The following MEIKIN variants were observed in gnomAD, a reference collection of about 807,000 sequenced individuals.
MEIKIN encodes meiosis-specific kinetochore protein.
chr5:131,882,164 C>G (rs1750711402), intron 8 of MEIKIN, among the ~76,000 whole-genome samples: 1 of 152,182 alleles, frequency 6.6e-6, no homozygotes, highest in Non-Finnish European at 1.5e-5. Context: ...CTGCTACCAT[C>G]ATGGTTTAAA....
chr5:131,837,920 A>G (rs1379715201), intron 11 of MEIKIN, among the ~76,000 whole-genome samples: 2 of 152,082 alleles, frequency 1.3e-5, no homozygotes, highest in Non-Finnish European at 2.9e-5. Context: ...GAGAGAGGGC[A>G]TTCTTGGCTT....
chr5:131,876,194 C>G (rs1316223632), intron 9 of MEIKIN, among the ~76,000 whole-genome samples: 4 of 152,130 alleles, frequency 2.6e-5, no homozygotes, highest in African/African-American at 9.7e-5. Context: ...AAACTACCAT[C>G]AGAGTGACCA....
intron 11 of MEIKIN, among the ~76,000 whole-genome samples, chr5:131,835,595 CT>C (rs530602371): frequency 6.6e-6 from 1 of 151,446 alleles, no homozygotes; most frequent in South Asian, 2.1e-4. Flanking sequence ...ATATATCTGT[CT>C]TTTTTTTTGT....
Position 131,851,348 on chromosome 5 carries a change from T to C in MEIKIN, c.891A>G (p.Glu297=). 1 of 398,206 alleles carries C rather than the reference T, an allele frequency of 2.5e-6. No homozygotes were observed. Among genetic ancestry groups the C allele is most frequent in the East Asian group, 3.6e-5 (1 of 27,912 alleles). The allele number at this position is 398,206 out of a possible 1,614,324, so 24.7% of individuals were successfully genotyped here. The change falls in exon 11 of 13, where the codon GAA becomes GAG. Residue 297 remains glutamate, a synonymous_variant. Transcript: ENST00000442687. ...DLSSVQKASF[E]ELFPNVSNYV... ...AATTGCTGACATTTGGAAATAGTTC[T>C]TCAAAAGATGCTTTTTGCACTGAGG...
intron 4 of MEIKIN, among the ~76,000 whole-genome samples, chr5:131,940,772 G>A (rs1448396195): frequency 1.3e-5 from 2 of 152,188 alleles, no homozygotes; most frequent in East Asian, 3.8e-4. Context: ...TGTCCGGCCA[G>A]TGTCCACACT....
intron 11 of MEIKIN, among the ~76,000 whole-genome samples, chr5:131,833,729 C>G (rs1431242046): frequency 6.6e-6 from 1 of 152,158 alleles, no homozygotes; most frequent in Non-Finnish European, 1.5e-5. Context: ...ATTCAATTAC[C>G]TCCCAATGGG....
At chr5:131,851,798 T>C (rs1750119679) in intron 10 of MEIKIN, among the ~76,000 whole-genome samples, 1 of 152,190 alleles carries the variant, frequency 6.6e-6, no homozygotes, top group Non-Finnish European at 1.5e-5. Flanking sequence ...GACTGATTGA[T>C]TTAGAGATGA....
chr5:131,874,689 CA>C (rs977961310), intron 9 of MEIKIN, among the ~76,000 whole-genome samples: 3 of 151,866 alleles, frequency 2.0e-5, no homozygotes, highest in Non-Finnish European at 4.4e-5. Flanking sequence ...AGAGACACAA[CA>C]AAAAAAGGGA....
intron 8 of MEIKIN, among the ~76,000 whole-genome samples, chr5:131,895,207 T>C (rs1246906650): frequency 6.6e-6 from 1 of 152,218 alleles, no homozygotes; most frequent in Non-Finnish European, 1.5e-5. Flanking sequence ...TTTGCATTTG[T>C]TGAACCAGCC....
chr5:131,906,975 C>T (rs1403027785), intron 8 of MEIKIN, among the ~76,000 whole-genome samples: 2 of 152,002 alleles, frequency 1.3e-5, no homozygotes, highest in African/African-American at 2.4e-5. Context: ...CACAATTTAT[C>T]TACATAACAA....
rs533100252 is a variant in MEIKIN, at chr5:131,888,449, T to G, written c.704-9401A>C. Reference sequence around the variant, plus strand: ...TCATTGTGGTTTCGATTTGCATTTCTCTGATGGCCAGTGATGATGAGCATT... The same window carrying G: ...TCATTGTGGTTTCGATTTGCATTTCGCTGATGGCCAGTGATGATGAGCATT... On this transcript the variant is annotated intron_variant, in intron 8 of 12. Transcript: ENST00000442687. Among the ~76,000 whole-genome samples, 220 of 152,360 alleles carry G rather than the reference T, an allele frequency of 1.4e-3. 1 individual carries two copies. The highest frequency in any genetic ancestry group is 0.014 in the Middle Eastern group (4 of 294).
intron 11 of MEIKIN, among the ~76,000 whole-genome samples, chr5:131,842,942 C>T (rs1749942775): frequency 6.6e-6 from 1 of 152,216 alleles, no homozygotes; most frequent in South Asian, 2.1e-4. Flanking sequence ...GCCTGGATGT[C>T]CAGGTGTTTC....
intron 8 of MEIKIN, among the ~76,000 whole-genome samples, chr5:131,898,870 C>A (rs1184691298): frequency 6.6e-6 from 1 of 152,198 alleles, no homozygotes; most frequent in Admixed American, 6.5e-5. Context: ...TCCCCTGACC[C>A]CTTGCACTTC....
At position 131,919,010 on chromosome 5, in the gene MEIKIN, C is replaced by A. The variant is rs80015745; in HGVS notation, c.599-2085G>T. ...AATAAAAAATTTTTGCATGACAAAA[C>A]ATACCATGAACAAAAAGACAACTGA... On this transcript the variant is annotated intron_variant, in intron 6 of 12. Transcript: ENST00000442687. Among the ~76,000 whole-genome samples the A allele has an allele frequency of 4.7e-3, 718 of 152,200 alleles. 8 individuals are homozygous for A. The highest frequency in any genetic ancestry group is 0.016 in the African/African-American group (682 of 41,534).
chr5:131,854,857 G>A (rs1750168251), intron 9 of MEIKIN, 23 bp from the exon 10 acceptor site: 1 of 397,320 alleles, frequency 2.5e-6, no homozygotes, highest in East Asian at 3.6e-5. Context: ...TTATAAAACA[G>A]GGATTGAACA....
chr5:131,853,243 T>C (rs1258130410), intron 10 of MEIKIN, among the ~76,000 whole-genome samples: 2 of 152,304 alleles, frequency 1.3e-5, no homozygotes, highest in South Asian at 2.1e-4. Flanking sequence ...TTTCCCTGAG[T>C]GCAGGGACAT....
At chr5:131,835,028 T>C (rs1749777484) in intron 11 of MEIKIN, among the ~76,000 whole-genome samples, 1 of 152,100 alleles carries the variant, frequency 6.6e-6, no homozygotes, top group Non-Finnish European at 1.5e-5. Context: ...AGTTTTGATT[T>C]GAATTTCCCT....
chr5:131,849,324 C>A (rs1201931158), intron 11 of MEIKIN, among the ~76,000 whole-genome samples: 1 of 151,234 alleles, frequency 6.6e-6, no homozygotes, highest in Non-Finnish European at 1.5e-5. Context: ...ATGTAAGATG[C>A]CTTGCTCCCC....
At chr5:131,903,847 T>C (rs1751199643) in intron 8 of MEIKIN, among the ~76,000 whole-genome samples, 1 of 150,656 alleles carries the variant, frequency 6.6e-6, no homozygotes, top group African/African-American at 2.4e-5. Flanking sequence ...GAGTGGCAAG[T>C]TGGATAAAGA....
Sources: gnomAD v4.1 joint callset for allele counts (sites outside exome capture counted in the v4.1 genomes callset) on GRCh38, gnomAD v4.1.1 for gene constraint, MANE v1.5 for transcripts, NCBI Gene and HGNC (gene_info 2026-07-23, HGNC 2026-07-21) for gene names.